Variants in ADAMTS17 observed in about 807,000 individuals in gnomAD.
The protein encoded by ADAMTS17 is ADAM metallopeptidase with thrombospondin type 1 motif 17.
A neutral mutation model predicts 141.5 loss-of-function variants in ADAMTS17; 113 were observed. The ratio of observed to expected loss-of-function variants is 0.80; its 90% CI spans 0.69 to 0.93. ADAMTS17 has a LOEUF of 0.93. Ranked by LOEUF, ADAMTS17 falls within the 40% of genes least tolerant of loss-of-function variation. The pLI, the probability that ADAMTS17 is intolerant of heterozygous loss-of-function variation, is 0.00. For missense variants in ADAMTS17, 1,659 were observed against 1,517.9 expected (o/e 1.09, Z -1.54); for synonymous variants, 768 against 630.6 (o/e 1.22, Z -3.27).
At chr15:100,338,504 G>A (rs140611485) in intron 2 of ADAMTS17, among the ~76,000 whole-genome samples, 5 of 152,288 alleles carry the variant, frequency 3.3e-5, no homozygotes, top group South Asian at 4.1e-4. Context: ...CCATTCGCTC[G>A]TATGCCATCC....
intron 15 of ADAMTS17, among the ~76,000 whole-genome samples, chr15:100,079,473 C>T (rs553282493): frequency 6.6e-6 from 1 of 152,310 alleles, no homozygotes; most frequent in East Asian, 1.9e-4. Flanking sequence ...ACTCCATTTA[C>T]ATGAAATGTC....
chr15:100,093,435 A>G (rs569208544), intron 15 of ADAMTS17, among the ~76,000 whole-genome samples: 1 of 152,062 alleles, frequency 6.6e-6, no homozygotes, highest in South Asian at 2.1e-4. Flanking sequence ...TCCTTCCCTC[A>G]TTCTTTAGGG....
At chr15:100,183,578 ATTATGAT>A (rs1270551663) in intron 8 of ADAMTS17, among the ~76,000 whole-genome samples, 1 of 152,316 alleles carries the variant, frequency 6.6e-6, no homozygotes, top group East Asian at 1.9e-4. Flanking sequence ...TGGAAGCATT[ATTATGAT>A]TTATAATCGT....
At chr15:100,020,612 G>C (rs2061388905) in intron 18 of ADAMTS17, among the ~76,000 whole-genome samples, 1 of 152,188 alleles carries the variant, frequency 6.6e-6, no homozygotes. Flanking sequence ...TCTATTTTGA[G>C]TTCCTGGTGC....
chr15:100,278,421 G>A (rs1464018709), intron 4 of ADAMTS17, among the ~76,000 whole-genome samples: 3 of 152,174 alleles, frequency 2.0e-5, no homozygotes, highest in Non-Finnish European at 4.4e-5. Flanking sequence ...AAGGAGGGGT[G>A]GGAGCAGCAT....
rs998026196 is a variant in ADAMTS17 at position 100,341,171 on chromosome 15, G to C, written c.318C>G (p.Gly106=). 1.4e-6 allele frequency: 2 copies of C among 1,462,868 alleles called. No individual in the cohort carries two copies. The highest frequency in any genetic ancestry group is 3.0e-5 in the African/African-American group (2 of 67,514). 90.6% of individuals were successfully genotyped at this position (1,462,868 alleles called of 1,614,324 possible). The part of the protein sequence containing the change: ...LRRDLRFLSR[G]FEVEEAGAAR... ...CCGCGCCCGCCTCCTCCACCTCGAA[G>C]CCTCGGGACAGGAAGCGCAGGTCGC... Residue 106 remains glycine, a synonymous_variant, in exon 2 of 22, where the codon GGC becomes GGG. Transcript: ENST00000268070.
At chr15:100,311,694 A>G (rs1026222111) in intron 3 of ADAMTS17, among the ~76,000 whole-genome samples, 1 of 152,042 alleles carries the variant, frequency 6.6e-6, no homozygotes, top group African/African-American at 2.4e-5. Context: ...ATGGCATCAT[A>G]CCCTTTTATT....
At chr15:100,289,737 T>C (rs2142117212) in intron 3 of ADAMTS17, among the ~76,000 whole-genome samples, 1 of 152,282 alleles carries the variant, frequency 6.6e-6, no homozygotes, top group East Asian at 1.9e-4. Flanking sequence ...TTGTGATTCA[T>C]CGCATAAACA....
intron 4 of ADAMTS17, among the ~76,000 whole-genome samples, chr15:100,279,397 T>C (rs1253637621): frequency 6.6e-6 from 1 of 152,222 alleles, no homozygotes; most frequent in East Asian, 1.9e-4. Context: ...TGGCTGCAGC[T>C]GGCCCAAAGG....
At chr15:100,039,975 T>TA (rs1363024132) in intron 18 of ADAMTS17, among the ~76,000 whole-genome samples, 1 of 152,196 alleles carries the variant, frequency 6.6e-6, no homozygotes, top group Non-Finnish European at 1.5e-5. Context: ...GTAGTTTTTT[T>TA]AAAAAAATCT....
chr15:100,188,806 C>A (rs560955385), intron 8 of ADAMTS17, among the ~76,000 whole-genome samples: 1 of 152,316 alleles, frequency 6.6e-6, no homozygotes, highest in Non-Finnish European at 1.5e-5. Flanking sequence ...AGCCTTCTAG[C>A]ACTGCACAGG....
chr15:100,312,237 G>A (rs552948696), intron 3 of ADAMTS17, among the ~76,000 whole-genome samples: 1 of 152,336 alleles, frequency 6.6e-6, no homozygotes, highest in African/African-American at 2.4e-5. Context: ...TTAGATGAGG[G>A]AGGCAGAGGG....
chr15:100,260,105 A>C (rs577107900), intron 6 of ADAMTS17, among the ~76,000 whole-genome samples: 2 of 152,090 alleles, frequency 1.3e-5, no homozygotes, highest in Admixed American at 1.3e-4. Flanking sequence ...TCAGCCTCCC[A>C]AAGTGCTGGG....
chr15:100,327,707 T>C (rs1361177540), intron 3 of ADAMTS17, among the ~76,000 whole-genome samples: 2 of 152,218 alleles, frequency 1.3e-5, no homozygotes, highest in African/African-American at 4.8e-5. Context: ...CATTTCAAAA[T>C]ATCCAAGGTA....
At chr15:100,058,197 A>G (rs74037342) in intron 15 of ADAMTS17, among the ~76,000 whole-genome samples, 5,589 of 16,558 alleles carry the variant, frequency 0.34, 1,367 homozygotes, top group Middle Eastern at 0.5. Context: ...CCCCTATCCC[A>G]GCTCCAACAC....
chr15:100,177,438 G>C (rs13380023), intron 8 of ADAMTS17, among the ~76,000 whole-genome samples: 3,106 of 152,212 alleles, frequency 0.02, 108 homozygotes, highest in African/African-American at 0.07. Context: ...ATTTTCAAGT[G>C]TTCGGAGATT....
At chr15:100,218,778 A>G (rs2042044217) in intron 7 of ADAMTS17, among the ~76,000 whole-genome samples, 1 of 151,640 alleles carries the variant, frequency 6.6e-6, no homozygotes, top group African/African-American at 2.4e-5. Context: ...AAACATGAAT[A>G]TTTATGGAAA....
intron 14 of ADAMTS17, among the ~76,000 whole-genome samples, chr15:100,107,907 C>T (rs2036506224): frequency 6.6e-6 from 1 of 152,070 alleles, no homozygotes; most frequent in Admixed American, 6.5e-5. Flanking sequence ...ACAACATGCC[C>T]AGCTTGACCC....
At chr15:100,227,467 G>T (rs917699236) in intron 7 of ADAMTS17, among the ~76,000 whole-genome samples, 1 of 152,168 alleles carries the variant, frequency 6.6e-6, no homozygotes, top group Non-Finnish European at 1.5e-5. Context: ...ACACTTGGCC[G>T]CAAGTAATAG....
Sources: gnomAD v4.1 joint callset for allele counts (sites outside exome capture counted in the v4.1 genomes callset) on GRCh38, gnomAD v4.1.1 for gene constraint, MANE v1.5 for transcripts, NCBI Gene and HGNC (gene_info 2026-07-23, HGNC 2026-07-21) for gene names.